Variants in CX3CR1 observed in about 807,000 individuals in gnomAD.
CX3CR1 encodes C-X3-C motif chemokine receptor 1.
For missense variants in CX3CR1, 363 were observed against 432.4 expected (o/e 0.84, Z 1.42); for synonymous variants, 168 against 178.5 (o/e 0.94, Z 0.47).
the CX3CR1 span, among the ~76,000 whole-genome samples, chr3:39,290,695 G>A: frequency 2.6e-5 from 4 of 152,286 alleles, no homozygotes; most frequent in Non-Finnish European, 4.4e-5. Flanking sequence ...GCCGAGGTGG[G>A]CAGATGACGA....
At chr3:39,279,383 A>C (rs1466008913) in intron 1 of CX3CR1, among the ~76,000 whole-genome samples, 1 of 152,112 alleles carries the variant, frequency 6.6e-6, no homozygotes, top group Non-Finnish European at 1.5e-5. Context: ...TAAAATACAG[A>C]TACAAATTTA....
At chr3:39,272,117 G>C (rs1031703589) in intron 1 of CX3CR1, among the ~76,000 whole-genome samples, 2 of 152,194 alleles carry the variant, frequency 1.3e-5, no homozygotes, top group Admixed American at 6.5e-5. Context: ...TATCCACAAG[G>C]GTTGTAAGAC....
At chr3:39,274,557 C>T (rs1256525057) in intron 1 of CX3CR1, among the ~76,000 whole-genome samples, 1 of 150,992 alleles carries the variant, frequency 6.6e-6, no homozygotes, top group Non-Finnish European at 1.5e-5. Context: ...ACAAAACCTG[C>T]CATTATTTTG....
rs1267834120 is a variant in CX3CR1, at chr3:39,266,273, C to T, written c.237G>A (p.Leu79=). ...YLLNLALSDL[L]FVATLPFWTH... ...TCCAGAAGGGCAAAGTGGCTACAAA[C>T]AGCAGATCAGACAAGGCCAGGTTCA... Residue 79 remains leucine (L), a synonymous_variant, in exon 2 of 2, where the codon CTG becomes CTA. Coordinates refer to ENST00000399220, the MANE Select transcript of CX3CR1 (RefSeq NM_001337.4). 1 of 1,614,222 alleles carries T rather than the reference C, an allele frequency of 6.2e-7. No homozygotes were observed. The highest frequency in any genetic ancestry group is 8.5e-7 in the Non-Finnish European group (1 of 1,180,046).
chr3:39,289,826 C>A, the CX3CR1 span, among the ~76,000 whole-genome samples: 1 of 152,060 alleles, frequency 6.6e-6, no homozygotes, highest in Non-Finnish European at 1.5e-5. Context: ...TGTATGTGCA[C>A]AGAGAAAGGA....
intron 1 of CX3CR1, among the ~76,000 whole-genome samples, chr3:39,276,680 A>G (rs2040844610): frequency 6.6e-6 from 1 of 152,346 alleles, no homozygotes; most frequent in South Asian, 2.1e-4. Context: ...TAGTTTGGAC[A>G]ATGTTGCCGT....
upstream of CX3CR1, chr3:39,281,835 C>G: frequency 3.0e-6 from 2 of 655,740 alleles, no homozygotes; most frequent in Admixed American, 5.0e-5. Context: ...GCTGTCCTGT[C>G]CAGGACGTGA....
chr3:39,283,101 G>A (rs1236673590), upstream of CX3CR1, among the ~76,000 whole-genome samples: 1 of 152,126 alleles, frequency 6.6e-6, no homozygotes. Flanking sequence ...CATGTACCCA[G>A]GCTGCTCTTG....
chr3:39,283,795 T>TTATATATATATATATA (rs59133796), upstream of CX3CR1, among the ~76,000 whole-genome samples: 4 of 65,298 alleles, frequency 6.1e-5, no homozygotes, highest in Non-Finnish European at 1.1e-4. Context: ...AAAAAAAAAA[T>TTATATATATATATATA]TATATATATA....
chr3:39,276,110 G>A (rs2040837606), intron 1 of CX3CR1, among the ~76,000 whole-genome samples: 1 of 152,192 alleles, frequency 6.6e-6, no homozygotes, highest in South Asian at 2.1e-4. Flanking sequence ...AGAAGGCAGT[G>A]AAGATGGTGG....
Position 39,264,268 on chromosome 3 carries a change from T to C in CX3CR1, c.*1174A>G, listed in dbSNP as rs2040663040. Reference sequence around the variant, plus strand: ...TTGGGCACAGCACAGCAGTGCCAGGTGTGGAAAGCAGAAGTCTAAGAGGCA... The same window carrying C: ...TTGGGCACAGCACAGCAGTGCCAGGCGTGGAAAGCAGAAGTCTAAGAGGCA... On this transcript the variant is annotated 3_prime_UTR_variant, in exon 2 of 2. Coordinates refer to ENST00000399220, the MANE Select transcript of CX3CR1 (RefSeq NM_001337.4). 1 of 152,146 alleles carries C rather than the reference T, an allele frequency of 6.6e-6. No individual in the cohort carries two copies. The highest frequency in any genetic ancestry group is 2.4e-5 in the African/African-American group (1 of 41,404). 9.4% of individuals were successfully genotyped at this position (152,146 alleles called of 1,614,324 possible).
At chr3:39,284,324 G>A (rs1467182977), upstream of CX3CR1, among the ~76,000 whole-genome samples, 1 of 152,078 alleles carries the variant, frequency 6.6e-6, no homozygotes, top group African/African-American at 2.4e-5. Flanking sequence ...ACCACATCTG[G>A]CTAATTTTTG....
Position 39,265,751 on chromosome 3 carries a change from C to T in CX3CR1, c.759G>A (p.Leu253=). The change falls in exon 2 of 2, where the codon CTG becomes CTA. Residue 253 remains leucine (L), a synonymous_variant. Transcript: ENST00000399220. Reference sequence around the variant, plus strand: ...AGAAGTCATAGAGCTTAAGCGTCTCCAGGAAAATCATAACGTTGTAGGGTG... The same window carrying T: ...AGAAGTCATAGAGCTTAAGCGTCTCTAGGAAAATCATAACGTTGTAGGGTG... ...FWTPYNVMIF[L]ETLKLYDFFP... 6.2e-7 allele frequency: 1 copy of T among 1,614,190 alleles called. No homozygotes were observed.
At chr3:39,268,530 CTA>C (rs2040732053) in intron 1 of CX3CR1, among the ~76,000 whole-genome samples, 3 of 152,188 alleles carry the variant, frequency 2.0e-5, no homozygotes, top group Admixed American at 1.3e-4. Flanking sequence ...CTTGGTGGTT[CTA>C]TGTTAGGGAC....
rs200058069 is a variant in CX3CR1, at chr3:39,270,901, A to ATACT, written c.-9-4384_-9-4383insAGTA. Among the ~76,000 whole-genome samples the ATACT allele has an allele frequency of 5.9e-3, 906 of 152,378 alleles. 8 individuals are homozygous for ATACT. Among genetic ancestry groups the ATACT allele is most frequent in the African/African-American group, 0.02 (832 of 41,598 alleles). ...TAGTACAATAACAAGCATGCTGCAC[A>ATACT]TAATAAGTGGTAGCCAACATATAAA... On this transcript the variant is annotated intron_variant, in intron 1 of 1. Transcript: ENST00000399220.
At chr3:39,274,834 GT>G (rs1342702844) in intron 1 of CX3CR1, among the ~76,000 whole-genome samples, 3 of 150,826 alleles carry the variant, frequency 2.0e-5, no homozygotes, top group Non-Finnish European at 3.0e-5. Context: ...CTCACCTTCT[GT>G]TTTTTTCTCA....
rs755033721 is a variant in CX3CR1 at position 39,270,053 on chromosome 3, G to A, written c.-9-3535C>T. 1.4e-4 allele frequency among the ~76,000 whole-genome samples: 22 copies of A among 152,350 alleles called. No individual in the cohort carries two copies. The Middle Eastern group carries it at 0.014, about 94-fold the overall frequency. ...CCCATCCCACAGCTAGAAGCAGGGGGAGCAGGACTGAGGCCAAGGCCTGTG... is the reference window on the plus strand; with the variant it reads ...CCCATCCCACAGCTAGAAGCAGGGGAAGCAGGACTGAGGCCAAGGCCTGTG... On this transcript the variant is annotated intron_variant, in intron 1 of 1. Coordinates refer to ENST00000399220, the MANE Select transcript of CX3CR1 (RefSeq NM_001337.4).
upstream of CX3CR1, among the ~76,000 whole-genome samples, chr3:39,283,797 ATATATATATATATATATATATATAT>A (rs2040925827): frequency 4.2e-5 from 1 of 23,730 alleles, no homozygotes; most frequent in Non-Finnish European, 9.1e-5. Context: ...AAAAAAAATT[ATATATATATATATATATATATATAT>A]ATATATATAT....
upstream of CX3CR1, chr3:39,280,323 G>A: frequency 1.0e-6 from 1 of 985,480 alleles, no homozygotes; most frequent in Non-Finnish European, 1.2e-6. Flanking sequence ...CTCATTAATG[G>A]GGAGCCTTCA....
Sources: gnomAD v4.1 joint callset for allele counts (sites outside exome capture counted in the v4.1 genomes callset) on GRCh38, gnomAD v4.1.1 for gene constraint, MANE v1.5 for transcripts, NCBI Gene and HGNC (gene_info 2026-07-23, HGNC 2026-07-21) for gene names.